Variants in CIP2A observed in about 807,000 individuals in gnomAD.
CIP2A encodes protein CIP2A.
Under a neutral mutation model 110.9 loss-of-function variants are expected in CIP2A, and 103 were observed. The ratio of observed to expected loss-of-function variants is 0.93; its 90% confidence interval spans 0.79 to 1.09. CIP2A has a LOEUF of 1.09. Ranked by LOEUF, CIP2A falls within the 50% of genes least tolerant of loss-of-function variation. The pLI is 0.00. For missense variants in CIP2A, 1,088 were observed against 1,038.4 expected (o/e 1.05, Z -0.66); for synonymous variants, 381 against 361.6 (o/e 1.05, Z -0.61).
intron 8 of CIP2A, among the ~76,000 whole-genome samples, chr3:108,575,365 C>T (rs1487901217): frequency 6.7e-6 from 1 of 149,860 alleles, no homozygotes; most frequent in African/African-American, 2.5e-5. Flanking sequence ...TGTATATATA[C>T]ATACACATAT....
At chr3:108,569,177 T>TATATATATATATACAC (rs374983042) in intron 9 of CIP2A, among the ~76,000 whole-genome samples, 1 of 69,038 alleles carries the variant, frequency 1.4e-5, no homozygotes, top group African/African-American at 4.6e-5. Flanking sequence ...ACTATATATA[T>TATATATATATATACAC]ATATACATAC....
chr3:108,563,178 C>A lies in CIP2A; in HGVS notation c.1582G>T (p.Gly528Ter). Residue 528 changes from glycine to a stop codon, truncating the protein, a stop_gained, in exon 13 of 21, where the codon GGA becomes TGA. Coordinates refer to ENST00000295746, the MANE Select transcript of CIP2A (RefSeq NM_020890.3). LOFTEE classifies it high-confidence loss of function. ...TSDNREQVQSGLRILLEAAPL... is the reference protein window; with the variant it reads ...TSDNREQVQS Reference sequence around the variant, plus strand: ...GCAGCCTCCAATAATATTCTCAGTCCAGACTGTACTTGTTCTCTATTATCT... The same window carrying A: ...GCAGCCTCCAATAATATTCTCAGTCAAGACTGTACTTGTTCTCTATTATCT... The A allele has an allele frequency of 6.2e-7, 1 of 1,612,870 alleles. No homozygotes were observed. Among genetic ancestry groups the A allele is most frequent in the South Asian group, 1.1e-5 (1 of 91,040 alleles).
intron 13 of CIP2A, among the ~76,000 whole-genome samples, chr3:108,561,973 T>A (rs1938021056): frequency 6.6e-6 from 1 of 152,106 alleles, no homozygotes; most frequent in Non-Finnish European, 1.5e-5. Flanking sequence ...CATGTCAGAT[T>A]ACCAGTTTAT....
At chr3:108,585,566 TCAC>T in intron 1 of CIP2A, 4 of 392,192 alleles carry the variant, frequency 1.0e-5, no homozygotes, top group South Asian at 8.0e-5. Flanking sequence ...TATTTCTCCT[TCAC>T]ACTACATTGA....
At position 108,577,469 on chromosome 3, in the gene CIP2A, T is replaced by A. The variant is rs767068873; in HGVS notation, c.819-1123A>T. Among the ~76,000 whole-genome samples the A allele has an allele frequency of 8.8e-4, 134 of 152,210 alleles. 1 individual carries two copies. Among genetic ancestry groups the A allele is most frequent in the Non-Finnish European group, 7.3e-4 (50 of 68,036 alleles). On this transcript the variant is annotated intron_variant, in intron 7 of 20. Coordinates refer to ENST00000295746, the MANE Select transcript of CIP2A (RefSeq NM_020890.3). ...GATGAAACTAAGTAAGAATTTGGTA[T>A]AAACATAGGTACGTTTGTCCAGGGG...
chr3:108,560,673 T>G lies in CIP2A; in HGVS notation c.1803A>C (p.Ile601=), dbSNP rs201998773. The change falls in exon 14 of 21, where the codon ATA becomes ATC. Residue 601 remains isoleucine, a synonymous_variant. Transcript: ENST00000295746. ...GVPGLNIEEL[I]EKLQSGMVVK... ...CCACCATTCCAGACTGAAGTTTCTC[T>G]ATTAATTCTTCAATATTCAATCCAG... 105 of 1,608,648 alleles carry G rather than the reference T, an allele frequency of 6.5e-5. No homozygotes were observed. The highest frequency in any genetic ancestry group is 8.7e-5 in the Non-Finnish European group (103 of 1,177,442).
At chr3:108,558,608 T>C (rs1029359386) in intron 16 of CIP2A, among the ~76,000 whole-genome samples, 1 of 152,082 alleles carries the variant, frequency 6.6e-6, no homozygotes, top group South Asian at 2.1e-4. Flanking sequence ...AAAAATGTTA[T>C]TAAGAGATAA....
At chr3:108,578,861 GACACAA>G (rs2107361473) in intron 7 of CIP2A, among the ~76,000 whole-genome samples, 1 of 152,168 alleles carries the variant, frequency 6.6e-6, no homozygotes, top group African/African-American at 2.4e-5. Flanking sequence ...AAAAAATAAA[GACACAA>G]ACATAATGAC....
chr3:108,561,244 C>T, intron 13 of CIP2A, among the ~76,000 whole-genome samples: 1 of 152,158 alleles, frequency 6.6e-6, no homozygotes, highest in East Asian at 1.9e-4. Context: ...TCCATTCTAA[C>T]CCTTTAAAAT....
At chr3:108,566,352 C>CA in intron 11 of CIP2A, 145 bp downstream of exon 11, 2 of 603,244 alleles carry the variant, frequency 3.3e-6, no homozygotes, top group Non-Finnish European at 5.5e-6. Flanking sequence ...AATGAATTTA[C>CA]AAAAAATTCA....
chr3:108,564,500 C>G (rs1252662514), intron 12 of CIP2A, among the ~76,000 whole-genome samples: 1 of 151,920 alleles, frequency 6.6e-6, no homozygotes, highest in Admixed American at 6.6e-5. Context: ...GTCTCCTCCA[C>G]TATGCTTTAG....
chr3:108,553,918 A>AAAAAAAAAAAAAAAAAAAC (rs1937693280), intron 18 of CIP2A, among the ~76,000 whole-genome samples, 188 bp from the exon 19 acceptor site: 1 of 143,714 alleles, frequency 7.0e-6, no homozygotes, highest in Non-Finnish European at 1.5e-5. Context: ...AAAAAAAAAA[A>AAAAAAAAAAAAAAAAAAAC]AGGTCTCGTT....
intron 1 of CIP2A, among the ~76,000 whole-genome samples, chr3:108,587,269 A>G (rs1178486876): frequency 6.6e-6 from 1 of 152,190 alleles, no homozygotes; most frequent in Non-Finnish European, 1.5e-5. Context: ...AATGTAAACA[A>G]CCCAAATGCC....
At chr3:108,554,133 C>T (rs967857507) in intron 18 of CIP2A, among the ~76,000 whole-genome samples, 10 of 151,832 alleles carry the variant, frequency 6.6e-5, no homozygotes, top group East Asian at 3.9e-4. Context: ...TGACCTCATG[C>T]GCTCCACCCA....
Position 108,559,878 on chromosome 3 carries a change from A to G in CIP2A, c.1903-11T>C. On this transcript the variant is annotated splice_polypyrimidine_tract_variant and intron_variant, in intron 15 of 20. Transcript: ENST00000295746. ...CCTGCTTTCTTTGGACTACAAGAAAACATATCATTAATTTTCATTTTAGGA... is the reference window on the plus strand; with the variant it reads ...CCTGCTTTCTTTGGACTACAAGAAAGCATATCATTAATTTTCATTTTAGGA... 6.3e-7 allele frequency: 1 copy of G among 1,598,052 alleles called. No homozygotes were observed. The highest frequency in any genetic ancestry group is 8.6e-7 in the Non-Finnish European group (1 of 1,167,874).
intron 7 of CIP2A, among the ~76,000 whole-genome samples, chr3:108,577,362 C>T (rs1025515830): frequency 2.8e-4 from 42 of 151,866 alleles, no homozygotes; most frequent in African/African-American, 7.7e-4. Context: ...TAGGAGGCCC[C>T]GAAGAGAGAG....
chr3:108,583,922 A>G (rs1037354221), intron 2 of CIP2A, among the ~76,000 whole-genome samples: 2 of 152,238 alleles, frequency 1.3e-5, no homozygotes, highest in Non-Finnish European at 2.9e-5. Context: ...TAATTTAAAA[A>G]GATTATCATT....
chr3:108,551,096 G>C lies in CIP2A; in HGVS notation c.*53C>G. On this transcript the variant is annotated 3_prime_UTR_variant, in exon 21 of 21. Transcript: ENST00000295746. ...TCCCCTACCCACCCCCCCTCCAATA[G>C]ATAAATACATCAAAAATATCATGAG... The C allele has an allele frequency of 2.7e-6, 1 of 367,684 alleles. No homozygotes were observed. The highest frequency in any genetic ancestry group is 4.8e-6 in the Non-Finnish European group (1 of 210,142). The allele number at this position is 367,684 out of a possible 1,614,324, so 22.8% of individuals were successfully genotyped here. A position where few individuals can be genotyped will look rare whatever the true frequency, so the allele number is the denominator to read the frequency against.
At position 108,551,462 on chromosome 3, in the gene CIP2A, T is replaced by C. The variant is rs926347653; in HGVS notation, c.2548-143A>G. 1.8e-5 allele frequency: 9 copies of C among 505,672 alleles called. No individual in the cohort carries two copies. The South Asian group carries it at 3.4e-4, about 19-fold the overall frequency. 31.3% of individuals were successfully genotyped at this position (505,672 alleles called of 1,614,324 possible). A position where few individuals can be genotyped will look rare whatever the true frequency, so the allele number is the denominator to read the frequency against. ...ACATACTATAAATATTATACTTCAG[T>C]TAATTCAATTACATGGTAAGTTTAA... On this transcript the variant is annotated intron_variant, in intron 20 of 20. Transcript: ENST00000295746.
Sources: gnomAD v4.1 joint callset for allele counts (sites outside exome capture counted in the v4.1 genomes callset) on GRCh38, gnomAD v4.1.1 for gene constraint, MANE v1.5 for transcripts, NCBI Gene and HGNC (gene_info 2026-07-23, HGNC 2026-07-21) for gene names.